Variants in KCND3 observed in about 807,000 individuals in gnomAD.
KCND3 encodes the protein A-type voltage-gated potassium channel KCND3.
KCND3 carries 9 observed loss-of-function variants against 51.1 expected under a neutral mutation model. The ratio of observed to expected loss-of-function variants is 0.18; its 90% CI spans 0.11 to 0.31. The LOEUF (loss-of-function observed/expected upper bound fraction) is 0.31. Ranked by LOEUF, KCND3 falls within the 10% of genes least tolerant of loss-of-function variation. The pLI is 1.00. For synonymous variants in KCND3, 349 were observed against 368.0 expected (o/e 0.95, Z 0.59); for missense variants, 526 against 903.8 (o/e 0.58, Z 5.36).
chr1:111,941,433 A>G (rs1401734007), intron 2 of KCND3, among the ~76,000 whole-genome samples: 1 of 152,192 alleles, frequency 6.6e-6, no homozygotes, highest in African/African-American at 2.4e-5. Context: ...CCAGCTCCCC[A>G]GAGCTGGGGG....
intron 2 of KCND3, among the ~76,000 whole-genome samples, chr1:111,938,131 A>T (rs1167053967): frequency 6.6e-6 from 1 of 152,166 alleles, no homozygotes; most frequent in Non-Finnish European, 1.5e-5. Context: ...AGAATCATTG[A>T]CTGTTAGTGA....
At chr1:111,800,013 G>A (rs376447652) in intron 2 of KCND3, among the ~76,000 whole-genome samples, 2,024 of 151,792 alleles carry the variant, frequency 0.013, 39 homozygotes, top group African/African-American at 0.047. Flanking sequence ...GAGCCCCTCT[G>A]CCCGGCCACC....
chr1:111,888,587 A>G (rs1571801599), intron 2 of KCND3, among the ~76,000 whole-genome samples: 1 of 151,334 alleles, frequency 6.6e-6, no homozygotes, highest in Non-Finnish European at 1.5e-5. Context: ...GAGGCTGAGG[A>G]AGGAGAATCG....
Position 111,982,983 on chromosome 1 carries a change from C to T in KCND3, c.-72-185G>A, listed in dbSNP as rs1378146201. Among the ~76,000 whole-genome samples, 3 of 152,148 alleles carry T rather than the reference C, an allele frequency of 2.0e-5. No individual in the cohort carries two copies. The highest frequency in any genetic ancestry group is 4.4e-5 in the Non-Finnish European group (3 of 68,032). On this transcript the variant is annotated intron_variant, in intron 1 of 7. Transcript: ENST00000302127. The surrounding 1 kb of genome is among the most constrained non-coding windows in gnomAD (Gnocchi z 8.5). ...TTGCCATCCAGACACTGGGAGAACACCTAGCTCCTGGAGCTCGGCAGGGTG... is the reference window on the plus strand; with the variant it reads ...TTGCCATCCAGACACTGGGAGAACATCTAGCTCCTGGAGCTCGGCAGGGTG...
At chr1:111,863,156 C>A (rs1483163043) in intron 2 of KCND3, among the ~76,000 whole-genome samples, 1 of 152,208 alleles carries the variant, frequency 6.6e-6, no homozygotes, top group African/African-American at 2.4e-5. Context: ...ATGCAACAAA[C>A]CTGCAAGGCA....
chr1:111,842,929 T>C (rs1418429589), intron 2 of KCND3, among the ~76,000 whole-genome samples: 1 of 152,214 alleles, frequency 6.6e-6, no homozygotes, highest in Admixed American at 6.5e-5. Flanking sequence ...ATAAACGGCA[T>C]CTTGAGGGCA....
chr1:111,888,867 T>A (rs1238538048), intron 2 of KCND3, among the ~76,000 whole-genome samples: 1 of 151,680 alleles, frequency 6.6e-6, no homozygotes, highest in African/African-American at 2.4e-5. Context: ...CCCTGGGCTT[T>A]GGTGAGGAGA....
rs991096518 is a variant in KCND3 at position 111,775,779 on chromosome 1, C to T, written c.*298G>A. The T allele has an allele frequency of 4.5e-5, 21 of 471,046 alleles. No homozygotes were observed. Among genetic ancestry groups the T allele is most frequent in the African/African-American group, 3.5e-4 (18 of 50,974 alleles). The allele number at this position is 471,046 out of a possible 1,614,324, so 29.2% of individuals were successfully genotyped here. On this transcript the variant is annotated 3_prime_UTR_variant, in exon 8 of 8. Coordinates refer to ENST00000302127, the MANE Select transcript of KCND3 (RefSeq NM_001378969.1). ...AGTCTGAGGCTCCTCCATCCAGGCC[C>T]TGTCCTGGCACATAGCCTATATCCC...
At chr1:111,966,293 G>A (rs1198241356) in intron 2 of KCND3, among the ~76,000 whole-genome samples, 1 of 152,186 alleles carries the variant, frequency 6.6e-6, no homozygotes, top group Non-Finnish European at 1.5e-5. Flanking sequence ...GCATTTTGCA[G>A]GGAACTCATG....
intron 2 of KCND3, among the ~76,000 whole-genome samples, chr1:111,889,173 A>G (rs1197066828): frequency 6.6e-6 from 1 of 152,246 alleles, no homozygotes; most frequent in Non-Finnish European, 1.5e-5. Flanking sequence ...GACCAGCCAC[A>G]AACCACAGAC....
chr1:111,825,073 C>G (rs1173519663), intron 2 of KCND3, among the ~76,000 whole-genome samples: 1 of 152,162 alleles, frequency 6.6e-6, no homozygotes, highest in African/African-American at 2.4e-5. Flanking sequence ...TTTGGTATCA[C>G]TAGAAAGATT....
intron 2 of KCND3, among the ~76,000 whole-genome samples, chr1:111,872,318 A>G (rs1668859671): frequency 6.6e-6 from 1 of 152,222 alleles, no homozygotes; most frequent in African/African-American, 2.4e-5. Flanking sequence ...GGTTAAGTAA[A>G]TTTGGCATTT....
At chr1:111,813,128 CA>C (rs1331057529) in intron 2 of KCND3, among the ~76,000 whole-genome samples, 1 of 152,106 alleles carries the variant, frequency 6.6e-6, no homozygotes, top group East Asian at 1.9e-4. Flanking sequence ...CCAGTGGACA[CA>C]AGTGCCCTCC....
intron 2 of KCND3, among the ~76,000 whole-genome samples, chr1:111,818,040 GCACACACA>G (rs59035556): frequency 0.021 from 3,096 of 148,040 alleles, 57 homozygotes; most frequent in African/African-American, 0.037. Context: ...ACACGCGCGT[GCACACACA>G]CACACACACA....
intron 2 of KCND3, among the ~76,000 whole-genome samples, chr1:111,872,850 C>T (rs996216899): frequency 1.3e-5 from 2 of 152,208 alleles, no homozygotes; most frequent in African/African-American, 4.8e-5. Flanking sequence ...AGGCAGATGT[C>T]TCCGTGGCTT....
chr1:111,844,056 A>G (rs1484585889), intron 2 of KCND3, among the ~76,000 whole-genome samples: 1 of 152,158 alleles, frequency 6.6e-6, no homozygotes, highest in Non-Finnish European at 1.5e-5. Context: ...GGAGAGAGGA[A>G]GAGGTGAGGT....
At chr1:111,805,864 A>G (rs978836945) in intron 2 of KCND3, among the ~76,000 whole-genome samples, 1 of 152,248 alleles carries the variant, frequency 6.6e-6, no homozygotes, top group Admixed American at 6.5e-5. Context: ...AGAGGCTCAG[A>G]GGTCTGGGAC....
At chr1:111,836,883 C>T (rs1245978853) in intron 2 of KCND3, among the ~76,000 whole-genome samples, 1 of 152,168 alleles carries the variant, frequency 6.6e-6, no homozygotes, top group Non-Finnish European at 1.5e-5. Flanking sequence ...TCCCCGGTAC[C>T]CTTCACTTGT....
chr1:111,860,736 G>C (rs36020601), intron 2 of KCND3, among the ~76,000 whole-genome samples: 3,745 of 152,310 alleles, frequency 0.025, 91 homozygotes, highest in East Asian at 0.1. Context: ...CCCATGACAA[G>C]TGAGCTCTCC....
Sources: allele counts gnomAD v4.1 joint callset (sites outside exome capture counted in the v4.1 genomes callset), GRCh38; gene constraint gnomAD v4.1.1; non-coding constraint Gnocchi (gnomAD v3.1); transcripts MANE v1.5; gene names NCBI Gene and HGNC (gene_info 2026-07-23, HGNC 2026-07-21).